Variants in MTMR8 observed in about 807,000 individuals in gnomAD.
MTMR8 encodes phosphatidylinositol-3,5-bisphosphate 3-phosphatase MTMR8.
MTMR8 carries 65 observed loss-of-function variants against 39.3 expected under a neutral mutation model. The observed-to-expected ratio is 1.65, with a 90% confidence interval of 1.35 to 2.03. The LOEUF (loss-of-function observed/expected upper bound fraction) is 2.03. Among genes scored for constraint, MTMR8 ranks in the 30% most tolerant of loss-of-function variants. MTMR8 has a pLI of 0.00. For missense variants in MTMR8, 777 were observed against 538.9 expected (o/e 1.44, Z -4.37); for synonymous variants, 245 against 185.2 (o/e 1.32, Z -2.62).
In MTMR8 at chrX:64,345,262, C is replaced by T. The variant is rs1923321490; in HGVS notation, c.733-85G>A. The T allele has an allele frequency of 5.3e-6, 5 of 946,157 alleles. No individual in the cohort carries two copies. In the African/African-American group the frequency reaches 5.9e-5, roughly 11 times the overall value. The allele number at this position is 946,157 out of a possible 1,213,427, so 78.0% of individuals were successfully genotyped here. On this transcript the variant is annotated intron_variant, in intron 6 of 13. Coordinates refer to ENST00000374852, the MANE Select transcript of MTMR8 (RefSeq NM_017677.4). ...TCAATCTCAATGCCTCATTCTGAACCGTTTAAAATCCTACCCAATTAAAAA... is the reference window on the plus strand; with the variant it reads ...TCAATCTCAATGCCTCATTCTGAACTGTTTAAAATCCTACCCAATTAAAAA...
chrX:64,390,463 T>C (rs1602162092), intron 1 of MTMR8, among the ~76,000 whole-genome samples: 1 of 111,909 alleles, frequency 8.9e-6, no homozygotes, highest in South Asian at 3.8e-4. Context: ...CTATGCATAC[T>C]AAACAATTAA....
chrX:64,345,962 A>ATT (rs1232902439), intron 6 of MTMR8, among the ~76,000 whole-genome samples: 1 of 111,970 alleles, frequency 8.9e-6, no homozygotes, highest in African/African-American at 3.2e-5. Flanking sequence ...ATGTGACTGC[A>ATT]TGAGATAAAT....
intron 12 of MTMR8, among the ~76,000 whole-genome samples, chrX:64,303,821 CT>C (rs1320713372): frequency 1.8e-5 from 2 of 112,021 alleles, no homozygotes; most frequent in Non-Finnish European, 3.8e-5. Flanking sequence ...ACAACTGAAA[CT>C]TTTTTCTTCT....
intron 7 of MTMR8, 26 bp downstream of exon 7, chrX:64,345,019 G>A (rs1288866467): frequency 5.8e-6 from 7 of 1,200,438 alleles, no homozygotes; most frequent in Non-Finnish European, 7.9e-6. Context: ...ATGGCCGCTT[G>A]CCTAGCCAAG....
intron 12 of MTMR8, among the ~76,000 whole-genome samples, chrX:64,290,829 T>C (rs1602110583): frequency 8.9e-6 from 1 of 112,317 alleles, no homozygotes; most frequent in Non-Finnish European, 1.9e-5. Context: ...ATGGTACAGA[T>C]GGACCACAGT....
chrX:64,310,143 G>A (rs1324440136), intron 12 of MTMR8, among the ~76,000 whole-genome samples: 8 of 112,005 alleles, frequency 7.1e-5, no homozygotes, highest in Admixed American at 2.9e-4. Flanking sequence ...CTCTGAAACC[G>A]TGACACTGCT....
At position 64,329,052 on chromosome X, in the gene MTMR8, A is replaced by T. The variant is rs1922877007; in HGVS notation, c.1353-152T>A. On this transcript the variant is annotated intron_variant, in intron 11 of 13. Coordinates refer to ENST00000374852, the MANE Select transcript of MTMR8 (RefSeq NM_017677.4). ...ATGACAGAAGAAAAATAAGTGGATA[A>T]AAAGTGTTGATGGAGTAACAAATTA... 8 of 441,451 alleles carry T rather than the reference A, an allele frequency of 1.8e-5. No homozygotes were observed. The South Asian group carries it at 4.2e-4, about 23-fold the overall frequency. The allele number at this position is 441,451 out of a possible 1,213,427, so 36.4% of individuals were successfully genotyped here. A position where few individuals can be genotyped will look rare whatever the true frequency, so the allele number is the denominator to read the frequency against.
At chrX:64,274,829 T>C (rs1330068019) in intron 12 of MTMR8, among the ~76,000 whole-genome samples, 1 of 111,913 alleles carries the variant, frequency 8.9e-6, no homozygotes, top group Non-Finnish European at 1.9e-5. Flanking sequence ...CTATATCTTC[T>C]CACTTACACT....
At chrX:64,334,140 G>A (rs762493053) in intron 10 of MTMR8, among the ~76,000 whole-genome samples, 1 of 110,680 alleles carries the variant, frequency 9.0e-6, no homozygotes, top group South Asian at 3.9e-4. Context: ...CCCAGAACTA[G>A]TGAGCTCCAG....
At chrX:64,384,131 G>C (rs1924499841) in intron 1 of MTMR8, among the ~76,000 whole-genome samples, 1 of 112,037 alleles carries the variant, frequency 8.9e-6, no homozygotes, top group Admixed American at 9.4e-5. Context: ...CAGCAGAGCA[G>C]TCATTAAAAC....
intron 1 of MTMR8, among the ~76,000 whole-genome samples, chrX:64,366,194 C>A (rs1036982081): frequency 9.0e-6 from 1 of 111,452 alleles, no homozygotes; most frequent in African/African-American, 3.3e-5. Flanking sequence ...TCAGACAGAT[C>A]AACGAGACAG....
chrX:64,318,708 G>GT (rs1209006743), intron 12 of MTMR8, among the ~76,000 whole-genome samples: 15,377 of 82,228 alleles, frequency 0.19, 2,144 homozygotes, highest in African/African-American at 0.43. Context: ...TTGGTTTTTT[G>GT]TTTTTTTTTT....
At chrX:64,342,691 G>A (rs1318665556) in intron 8 of MTMR8, among the ~76,000 whole-genome samples, 9 of 111,858 alleles carry the variant, frequency 8.0e-5, no homozygotes, top group Non-Finnish European at 1.3e-4. Flanking sequence ...AACAGGATTA[G>A]GAAAGCAAAA....
Position 64,304,476 on chromosome X carries a change from T to G in MTMR8, c.1481+24296A>C, listed in dbSNP as rs141388949. 9.4e-3 allele frequency among the ~76,000 whole-genome samples: 1,052 copies of G among 111,578 alleles called. 16 individuals carry two copies. The highest frequency in any genetic ancestry group is 0.031 in the African/African-American group (944 of 30,765). On this transcript the variant is annotated intron_variant, in intron 12 of 13. Coordinates refer to ENST00000374852, the MANE Select transcript of MTMR8 (RefSeq NM_017677.4). ...TGTCCATCACTGAGCCAGACATTCATTCAACATTTTCCATTTGGACACTGC... is the reference window on the plus strand; with the variant it reads ...TGTCCATCACTGAGCCAGACATTCAGTCAACATTTTCCATTTGGACACTGC...
intron 12 of MTMR8, among the ~76,000 whole-genome samples, chrX:64,308,320 AT>A (rs778962275): frequency 0.031 from 2,123 of 69,360 alleles, 24 homozygotes; most frequent in East Asian, 0.053. Context: ...ACGGCTGGCT[AT>A]TTTTTTTTTT....
chrX:64,326,012 T>A (rs1409461951), intron 12 of MTMR8, among the ~76,000 whole-genome samples: 1 of 112,024 alleles, frequency 8.9e-6, no homozygotes, highest in East Asian at 2.8e-4. Context: ...ATCAATAACA[T>A]AAATCATTGA....
chrX:64,353,065 T>C (rs1471369645), intron 4 of MTMR8, among the ~76,000 whole-genome samples: 2 of 111,696 alleles, frequency 1.8e-5, no homozygotes, highest in African/African-American at 6.5e-5. Context: ...TACAGTTCAG[T>C]CATTTTCAAC....
chrX:64,289,892 A>T (rs1452283879), intron 12 of MTMR8, among the ~76,000 whole-genome samples: 4 of 110,982 alleles, frequency 3.6e-5, no homozygotes, highest in African/African-American at 1.3e-4. Context: ...AATAAGCCAG[A>T]TACAAAAGGA....
At chrX:64,289,659 A>G (rs1921331578) in intron 12 of MTMR8, among the ~76,000 whole-genome samples, 1 of 103,782 alleles carries the variant, frequency 9.6e-6, no homozygotes, top group Admixed American at 1.0e-4. Flanking sequence ...AAAAAAAAAA[A>G]AATTAAGTTG....
Sources: allele counts gnomAD v4.1 joint callset (sites outside exome capture counted in the v4.1 genomes callset), GRCh38; gene constraint gnomAD v4.1.1; transcripts MANE v1.5; gene names NCBI Gene and HGNC (gene_info 2026-07-23, HGNC 2026-07-21).